MIA3: variants seen among roughly 807,000 people sequenced by gnomAD.
The protein encoded by MIA3 is transport and Golgi organization protein 1 homolog.
MIA3 carries 90 observed loss-of-function variants against 192.4 expected under a neutral mutation model. The ratio of observed to expected loss-of-function variants is 0.47; its 90% CI spans 0.39 to 0.56. MIA3 has a LOEUF of 0.56. Ranked by LOEUF, MIA3 falls within the 20% of genes least tolerant of loss-of-function variation. The pLI, the probability that MIA3 is intolerant of heterozygous loss-of-function variation, is 0.00. For synonymous variants in MIA3, 740 were observed against 792.8 expected, an observed-to-expected ratio of 0.93 and a Z score of 1.12; for missense variants, 2,123 against 2,269.4, an observed-to-expected ratio of 0.94 and a Z score of 1.31.
In MIA3 at chr1:222,627,906, CTT is replaced by C; in HGVS notation, c.689_690del (p.Phe230Ter). The stretch of plus-strand genomic sequence containing the variant: ...CAGGGAGAGCAGGCTTCATTTGAAT[CTT>C]TTGAAGAAATGCTGCAAGATAAACT... On this transcript the variant is annotated frameshift_variant, in exon 4 of 28. Transcript: ENST00000344922. LOFTEE classifies it high-confidence loss of function. The C allele has an allele frequency of 6.2e-7, 1 of 1,614,042 alleles. No individual in the cohort carries two copies. Among genetic ancestry groups the C allele is most frequent in the Non-Finnish European group, 8.5e-7 (1 of 1,180,012 alleles).
rs1663524516 is a variant in MIA3 at position 222,653,062 on chromosome 1, A to G, written c.4141A>G (p.Ile1381Val). The G allele has an allele frequency of 1.2e-6, 2 of 1,613,232 alleles. No homozygotes were observed. The highest frequency in any genetic ancestry group is 1.7e-6 in the Non-Finnish European group (2 of 1,179,178). ...ATTACATGCTGAGCTCAGTGAGCAA[A>G]TCAAATCATTTGAGAAGTCTCAGAA... The part of the protein sequence containing the change: ...SKLHAELSEQ[I>V]KSFEKSQKDL... The change falls in exon 14 of 28, where the codon ATC (isoleucine) becomes GTC (valine). Residue 1381 changes from isoleucine (I) to valine (V), a missense_variant. By Grantham distance (29) the Ile-to-Val change is conservative (BLOSUM62 3). Transcript: ENST00000344922.
rs545848838 is a variant in MIA3 at position 222,629,016 on chromosome 1, C to G, written c.1796C>G (p.Ala599Gly). ...TCCAGAGACAGTGTGGAGGGAGACG[C>G]TTTGGTAAATGGGGCCAAACTGCAC... ...NASRDSVEGD[A>G]LVNGAKLHTL... The change falls in exon 4 of 28, where the codon GCT (alanine) becomes GGT (glycine). Residue 599 changes from alanine to glycine, a missense_variant. Ala to Gly is a moderately conservative substitution (Grantham distance 60, BLOSUM62 0). Coordinates refer to ENST00000344922, the MANE Select transcript of MIA3 (RefSeq NM_198551.4). 26 of 1,614,188 alleles carry G rather than the reference C, an allele frequency of 1.6e-5. No homozygotes were observed. In the African/African-American group the frequency reaches 3.3e-4, roughly 21 times the overall value.
At chr1:222,644,625 A>G in intron 6 of MIA3, 1 of 1,549,608 alleles carries the variant, frequency 6.5e-7, no homozygotes, top group Non-Finnish European at 8.7e-7. Flanking sequence ...CCAAGCTGTC[A>G]CAGGCGGGTG....
chr1:222,653,251 G>C lies in MIA3; in HGVS notation c.4233G>C (p.Gln1411His). 6.2e-7 allele frequency: 1 copy of C among 1,613,630 alleles called. No individual in the cohort carries two copies. The highest frequency in any genetic ancestry group is 8.5e-7 in the Non-Finnish European group (1 of 1,179,620). ...NINALTNCIT[Q>H]LNLLECESES... ...AGGCTTTGACTAACTGCATTACACA[G>C]TTGAATCTGTTAGAGTGTGAATCTG... is the stretch of plus-strand genomic sequence containing the variant. Residue 1411 changes from glutamine to histidine, a missense_variant, in exon 15 of 28, where the codon CAG (glutamine) becomes CAC (histidine). This residue lies in a region of MIA3 where 762 missense variants were observed against 856.4 expected (regional missense o/e 0.89). Coordinates refer to ENST00000344922, the MANE Select transcript of MIA3 (RefSeq NM_198551.4).
At chr1:222,648,752 G>T in intron 7 of MIA3, 77 bp from the exon 8 acceptor site, 1 of 849,172 alleles carries the variant, frequency 1.2e-6, no homozygotes, top group South Asian at 1.5e-5. Context: ...TTACAATTCT[G>T]ACAGTTGTAT....
intron 6 of MIA3, chr1:222,644,287 A>G: frequency 6.4e-6 from 9 of 1,403,270 alleles, no homozygotes; most frequent in South Asian, 5.8e-5. Context: ...GAGGTGCGCC[A>G]GGGGCAGTGG....
rs879011032 is a variant in MIA3, at chr1:222,665,197, C to CAAAA, written c.5414-91_5414-88dup. On this transcript the variant is annotated intron_variant, in intron 27 of 27. Coordinates refer to ENST00000344922, the MANE Select transcript of MIA3 (RefSeq NM_198551.4). The stretch of plus-strand genomic sequence containing the variant: ...CATGTGACAGGCAAGACCCTGCCGC[C>CAAAA]AAAAAAAAAAAAAAAAAAAAAAAAG... 240 of 385,026 alleles carry CAAAA rather than the reference C, an allele frequency of 6.2e-4. 4 individuals carry two copies. The African/African-American group carries it at 6.5e-3, about 11-fold the overall frequency. 23.9% of individuals were successfully genotyped at this position (385,026 alleles called of 1,614,324 possible).
At chr1:222,661,275 G>A (rs1020777045) in intron 24 of MIA3, 2 of 152,360 alleles carry the variant, frequency 1.3e-5, no homozygotes, top group African/African-American at 4.8e-5. Context: ...GAATTGCTTT[G>A]ATATATACCA....
At chr1:222,647,999 T>C (rs1445824572) in intron 7 of MIA3, 4 of 310,220 alleles carry the variant, frequency 1.3e-5, no homozygotes, top group South Asian at 7.7e-5. Context: ...TGTGGACTGG[T>C]GTTAGTATCT....
intron 6 of MIA3, among the ~76,000 whole-genome samples, chr1:222,640,383 T>A (rs2133187): frequency 0.56 from 85,478 of 151,952 alleles, 27,491 homozygotes; most frequent in Non-Finnish European, 0.72. Flanking sequence ...ATCATGTAAT[T>A]TCAAGACTTA....
rs554833912 is a variant in MIA3, at chr1:222,633,031, T to C, written c.3332-73T>C. On this transcript the variant is annotated intron_variant, in intron 5 of 27. Coordinates refer to ENST00000344922, the MANE Select transcript of MIA3 (RefSeq NM_198551.4). ...GGCACAGTGCCTAATATTTAGTGGA[T>C]ACTCAATAAGTATTTTTTAAAGAGA... 20 of 1,406,388 alleles carry C rather than the reference T, an allele frequency of 1.4e-5. No individual in the cohort carries two copies. In the African/African-American group the frequency reaches 2.2e-4, roughly 15 times the overall value. 87.1% of individuals were successfully genotyped at this position (1,406,388 alleles called of 1,614,324 possible). A position where few individuals can be genotyped will look rare whatever the true frequency, so the allele number is the denominator to read the frequency against.
intron 6 of MIA3, among the ~76,000 whole-genome samples, chr1:222,640,728 A>G (rs1024504368): frequency 2.6e-5 from 4 of 152,216 alleles, no homozygotes; most frequent in African/African-American, 7.2e-5. Flanking sequence ...CATCAAAAGT[A>G]TGATTCATAA....
rs536912913 is a variant in MIA3, at chr1:222,632,280, C to T, written c.3285C>T (p.Ala1095=). ...LDQRVIGDTH[A]SEVSQKPNTE... Reference sequence around the variant, plus strand: ...AACGTGTGATTGGGGACACTCATGCCTCAGAAGTGTCACAGAAGCCAAATA... The same window carrying T: ...AACGTGTGATTGGGGACACTCATGCTTCAGAAGTGTCACAGAAGCCAAATA... The change falls in exon 5 of 28, where the codon GCC becomes GCT. Residue 1095 remains alanine, a synonymous_variant. Coordinates refer to ENST00000344922, the MANE Select transcript of MIA3 (RefSeq NM_198551.4). 1 of 1,614,102 alleles carries T rather than the reference C, an allele frequency of 6.2e-7. No individual in the cohort carries two copies. The highest frequency in any genetic ancestry group is 1.3e-5 in the African/African-American group (1 of 75,030).
rs1558193386 is a variant in MIA3 at position 222,654,731 on chromosome 1, CTT to C, written c.4546_4547del (p.Leu1516GlufsTer9). 6.2e-7 allele frequency: 1 copy of C among 1,614,108 alleles called. No individual in the cohort carries two copies. The highest frequency in any genetic ancestry group is 8.5e-7 in the Non-Finnish European group (1 of 1,179,986). On this transcript the variant is annotated frameshift_variant, in exon 18 of 28. Coordinates refer to ENST00000344922, the MANE Select transcript of MIA3 (RefSeq NM_198551.4). LOFTEE classifies it high-confidence loss of function. The stretch of plus-strand genomic sequence containing the variant: ...CTGGACTGGAAGATGAATGCAAAAC[CTT>C]GAGGCAGAAAGTGGAGATTCTGAAT... Reference protein sequence around the residue: ...KAGLEDECKTLRQKVEILNEL... With the variant: ...KAGLEDECKTXRQKVEILNEL...
chr1:222,627,806 A>G lies in MIA3; in HGVS notation c.586A>G (p.Asn196Asp), dbSNP rs1662188650. ...SEESDSVFSE[N>D]TEDLQEQFTT... ...GGAAAGTGATAGTGTATTCTCAGAA[A>G]ACACTGAGGATCTTCAGGAACAGTT... The change falls in exon 4 of 28, where the codon AAC becomes GAC. Residue 196 changes from asparagine (N) to aspartate (D), a missense_variant. Physicochemically the swap from Asn to Asp is conservative, Grantham distance 23. Around this residue, in one of 3 missense-constraint regions of MIA3, gnomAD observed 1,357 missense variants for 1,396.1 expected, o/e 0.97. Coordinates refer to ENST00000344922, the MANE Select transcript of MIA3 (RefSeq NM_198551.4). 6 of 1,613,634 alleles carry G rather than the reference A, an allele frequency of 3.7e-6. No homozygotes were observed. The highest frequency in any genetic ancestry group is 5.1e-6 in the Non-Finnish European group (6 of 1,179,846).
At chr1:222,620,968 AG>A (rs1661827462) in intron 1 of MIA3, among the ~76,000 whole-genome samples, 190 bp from the exon 2 acceptor site, 2 of 152,218 alleles carry the variant, frequency 1.3e-5, no homozygotes, top group Non-Finnish European at 2.9e-5. Flanking sequence ...TGCTTGCAGA[AG>A]GTATGATTTA....
chr1:222,632,525 A>G (rs1237985050), intron 5 of MIA3, among the ~76,000 whole-genome samples, 199 bp downstream of exon 5: 1 of 152,234 alleles, frequency 6.6e-6, no homozygotes, highest in Non-Finnish European at 1.5e-5. Context: ...TAACTAACCT[A>G]CAAACCAATG....
At position 222,629,267 on chromosome 1, in the gene MIA3, A is replaced by G. The variant is rs1558176284; in HGVS notation, c.2047A>G (p.Lys683Glu). Residue 683 changes from lysine to glutamate, a missense_variant, in exon 4 of 28, where the codon AAA becomes GAA. Lys to Glu is a moderately conservative substitution (Grantham distance 56). Coordinates refer to ENST00000344922, the MANE Select transcript of MIA3 (RefSeq NM_198551.4). ...GATAAGGCTCTCTGAGGGAGAAGCC[A>G]AAGAGGACTCCTTGGATGAAGAGTT... ...EKIRLSEGEA[K>E]EDSLDEEFFH... 2 of 1,614,220 alleles carry G rather than the reference A, an allele frequency of 1.2e-6. No individual in the cohort carries two copies. The highest frequency in any genetic ancestry group is 1.7e-6 in the Non-Finnish European group (2 of 1,180,034).
chr1:222,627,550 A>G (rs1662175161), intron 3 of MIA3, 25 bp from the exon 4 acceptor site: 2 of 1,533,322 alleles, frequency 1.3e-6, no homozygotes, highest in Non-Finnish European at 8.8e-7. Context: ...CTATTGACAG[A>G]CTAATGTTTT....
Sources: allele counts gnomAD v4.1 joint callset (sites outside exome capture counted in the v4.1 genomes callset), GRCh38; gene constraint gnomAD v4.1.1; regional missense constraint gnomAD v4.1.1; transcripts MANE v1.5; gene names NCBI Gene and HGNC (gene_info 2026-07-23, HGNC 2026-07-21).